The following DLG2 variants were observed in gnomAD, a reference collection of about 807,000 sequenced individuals.
DLG2 encodes the protein disks large homolog 2.
Under a neutral mutation model 132.5 loss-of-function variants are expected in DLG2, and 45 were observed. That is an observed-to-expected ratio of 0.34 (90% CI 0.27 to 0.44). The LOEUF is 0.44. Ranked by LOEUF, DLG2 falls within the 20% of genes least tolerant of loss-of-function variation. The probability of loss-of-function intolerance (pLI) is 1.00; values close to 1 mark genes in which losing one functional copy is unlikely to be tolerated. For missense variants in DLG2, 1,045 were observed against 1,196.9 expected (o/e 0.87, Z 1.87); for synonymous variants, 424 against 419.6 (o/e 1.01, Z -0.13).
chr11:84,105,587 C>G (rs1479891376), intron 9 of DLG2, among the ~76,000 whole-genome samples: 1 of 152,086 alleles, frequency 6.6e-6, no homozygotes. Flanking sequence ...TGCATTTTAA[C>G]CTACACTGAT....
chr11:85,386,598 G>T (rs2152938372), intron 3 of DLG2, among the ~76,000 whole-genome samples: 2 of 152,132 alleles, frequency 1.3e-5, no homozygotes, highest in East Asian at 3.9e-4. Flanking sequence ...ATTTTTATAT[G>T]ATAATTATTA....
intron 3 of DLG2, among the ~76,000 whole-genome samples, chr11:85,574,930 A>G (rs2153226298): frequency 6.6e-6 from 1 of 152,126 alleles, no homozygotes; most frequent in Middle Eastern, 3.4e-3. Flanking sequence ...CAAAATCTAG[A>G]ATCTAACCAC....
At chr11:83,958,915 C>T (rs994278756) in intron 14 of DLG2, among the ~76,000 whole-genome samples, 3 of 152,076 alleles carry the variant, frequency 2.0e-5, no homozygotes, top group African/African-American at 7.2e-5. Context: ...TCACTCTGGG[C>T]CCTGTGTCTC....
At chr11:83,537,866 A>T in intron 20 of DLG2, among the ~76,000 whole-genome samples, 1 of 145,622 alleles carries the variant, frequency 6.9e-6, no homozygotes, top group African/African-American at 2.5e-5. Flanking sequence ...AACAAAACCC[A>T]GCTTGGCCTC....
intron 7 of DLG2, among the ~76,000 whole-genome samples, chr11:84,369,675 TA>T (rs1471972712): frequency 2.0e-5 from 3 of 152,236 alleles, no homozygotes; most frequent in African/African-American, 7.2e-5. Context: ...GTTGGAGCAT[TA>T]AAAATATGCC....
At chr11:83,572,063 G>T (rs923303752) in intron 19 of DLG2, among the ~76,000 whole-genome samples, 3 of 151,030 alleles carry the variant, frequency 2.0e-5, no homozygotes, top group African/African-American at 7.4e-5. Flanking sequence ...TTCCTTTGCA[G>T]TGGTGGAATT....
intron 11 of DLG2, among the ~76,000 whole-genome samples, chr11:84,021,998 C>T (rs758693604): frequency 2.0e-4 from 31 of 152,122 alleles, no homozygotes; most frequent in African/African-American, 5.3e-4. Flanking sequence ...CTGCCCGCCT[C>T]GGCTTCCCAA....
Position 84,828,394 on chromosome 11 carries a change from A to T in DLG2, c.357+283267T>A, listed in dbSNP as rs556820579. ...AGACAAGCTAGGAGACTTTCACTTTATTCAAGGACTAAAGTGTTGAAGACC... is the reference window on the plus strand; with the variant it reads ...AGACAAGCTAGGAGACTTTCACTTTTTTCAAGGACTAAAGTGTTGAAGACC... On this transcript the variant is annotated intron_variant, in intron 6 of 27. Transcript: ENST00000376104. 6.6e-5 allele frequency among the ~76,000 whole-genome samples: 10 copies of T among 151,996 alleles called. No homozygotes were observed. The South Asian group carries it at 1.9e-3, about 28-fold the overall frequency.
intron 10 of DLG2, among the ~76,000 whole-genome samples, chr11:84,092,269 T>G (rs1393713777): frequency 6.6e-6 from 1 of 152,258 alleles, no homozygotes; most frequent in East Asian, 1.9e-4. Context: ...TGCCACAGAC[T>G]TGTGGCTGAG....
chr11:84,134,418 T>A (rs1228679529), intron 9 of DLG2, among the ~76,000 whole-genome samples: 1 of 152,164 alleles, frequency 6.6e-6, no homozygotes, highest in African/African-American at 2.4e-5. Flanking sequence ...AGCCTAGGTA[T>A]CTACTGGAAC....
intron 7 of DLG2, among the ~76,000 whole-genome samples, chr11:84,449,139 C>T (rs2099044079): frequency 6.6e-6 from 1 of 151,874 alleles, no homozygotes; most frequent in Non-Finnish European, 1.5e-5. Flanking sequence ...GATACATGGA[C>T]CTATAAGCTG....
intron 9 of DLG2, among the ~76,000 whole-genome samples, chr11:84,160,529 A>G (rs1196546760): frequency 6.6e-6 from 1 of 152,222 alleles, no homozygotes; most frequent in Non-Finnish European, 1.5e-5. Context: ...GAGCTAATGA[A>G]AATAGACAAT....
At chr11:85,510,330 A>T (rs1378382323) in intron 3 of DLG2, among the ~76,000 whole-genome samples, 1 of 152,022 alleles carries the variant, frequency 6.6e-6, no homozygotes, top group South Asian at 2.1e-4. Flanking sequence ...CATGTACAAA[A>T]CACCAAAAGC....
intron 17 of DLG2, among the ~76,000 whole-genome samples, chr11:83,796,442 T>C (rs1264811754): frequency 5.3e-5 from 8 of 152,234 alleles, no homozygotes; most frequent in Non-Finnish European, 7.3e-5. Flanking sequence ...CATTTTTCAC[T>C]TTTCCAGGGA....
intron 7 of DLG2, among the ~76,000 whole-genome samples, chr11:84,427,364 T>A (rs2098970292): frequency 1.3e-5 from 2 of 152,170 alleles, no homozygotes; most frequent in African/African-American, 4.8e-5. Context: ...TTATCACCAT[T>A]TTTAATACAT....
intron 4 of DLG2, among the ~76,000 whole-genome samples, chr11:85,240,040 A>C (rs2075799585): frequency 6.6e-6 from 1 of 151,898 alleles, no homozygotes; most frequent in African/African-American, 2.4e-5. Context: ...CTGCTATTCT[A>C]CATCTCCTTC....
chr11:84,615,180 G>C (rs2099601797), intron 6 of DLG2, among the ~76,000 whole-genome samples: 1 of 152,086 alleles, frequency 6.6e-6, no homozygotes, highest in African/African-American at 2.4e-5. Context: ...TTCTGGGGTA[G>C]AGGAACCAAT....
chr11:84,765,357 C>T (rs1051725256), intron 6 of DLG2, among the ~76,000 whole-genome samples: 16 of 152,004 alleles, frequency 1.1e-4, no homozygotes, highest in East Asian at 3.9e-4. Flanking sequence ...ACATAAGCAA[C>T]GTGCTACATT....
chr11:84,869,166 C>T (rs947939687), intron 6 of DLG2, among the ~76,000 whole-genome samples: 25 of 152,146 alleles, frequency 1.6e-4, no homozygotes, highest in African/African-American at 5.3e-4. Flanking sequence ...GCACATCATA[C>T]GGAATTGAAC....
Sources: allele counts gnomAD v4.1 joint callset (sites outside exome capture counted in the v4.1 genomes callset), GRCh38; gene constraint gnomAD v4.1.1; transcripts MANE v1.5; gene names NCBI Gene and HGNC (gene_info 2026-07-23, HGNC 2026-07-21).